DOCK5: variants seen among roughly 807,000 people sequenced by gnomAD.
The protein encoded by DOCK5 is dedicator of cytokinesis protein 5.
In DOCK5, 142 loss-of-function variants were observed where a neutral mutation model predicts 251.8. The observed-to-expected ratio is 0.56, with a 90% CI of 0.49 to 0.65. DOCK5 has a LOEUF of 0.65. DOCK5 is among the 30% of genes least tolerant of loss of function. The pLI is 0.00. For synonymous variants in DOCK5, 842 were observed against 835.5 expected (o/e 1.01, Z -0.13); for missense variants, 2,111 against 2,312.3 (o/e 0.91, Z 1.79).
chr8:25,251,223 G>A (rs1040598483), intron 2 of DOCK5, among the ~76,000 whole-genome samples: 1 of 152,102 alleles, frequency 6.6e-6, no homozygotes, highest in East Asian at 1.9e-4. Context: ...GATTTCTGGG[G>A]TAAATACAAC....
intron 2 of DOCK5, among the ~76,000 whole-genome samples, chr8:25,254,916 G>A (rs1045705676): frequency 2.0e-5 from 3 of 151,694 alleles, no homozygotes; most frequent in African/African-American, 7.3e-5. Flanking sequence ...CCTCGCTAAG[G>A]AAGATATATA....
At chr8:25,210,045 T>TATATATATATATATATATAAAA (rs1563309191) in intron 1 of DOCK5, among the ~76,000 whole-genome samples, 1 of 20,650 alleles carries the variant, frequency 4.8e-5, no homozygotes, top group African/African-American at 2.3e-4. Context: ...AATGTGTGTG[T>TATATATATATATATATATAAAA]GTGTGTGTGT....
intron 1 of DOCK5, among the ~76,000 whole-genome samples, chr8:25,240,285 A>G (rs1335291420): frequency 6.6e-6 from 1 of 152,140 alleles, no homozygotes; most frequent in Non-Finnish European, 1.5e-5. Context: ...CTTAAAAAAA[A>G]AAAAAAACCA....
intron 37 of DOCK5, among the ~76,000 whole-genome samples, chr8:25,377,053 C>G (rs192573582): frequency 6.6e-6 from 1 of 152,136 alleles, no homozygotes; most frequent in Non-Finnish European, 1.5e-5. Context: ...CCCAGTACAA[C>G]GACAGTCATG....
chr8:25,283,309 T>C (rs2117137350), intron 5 of DOCK5, among the ~76,000 whole-genome samples: 1 of 152,298 alleles, frequency 6.6e-6, no homozygotes, highest in African/African-American at 2.4e-5. Flanking sequence ...AAGCGGGTTT[T>C]AGGAGACAGA....
At chr8:25,328,361 A>G (rs996543713) in intron 18 of DOCK5, among the ~76,000 whole-genome samples, 1 of 152,156 alleles carries the variant, frequency 6.6e-6, no homozygotes, top group East Asian at 1.9e-4. Flanking sequence ...AACAGGGTAC[A>G]GAGAGGGAAA....
chr8:25,296,834 C>T (rs554177078), intron 7 of DOCK5, among the ~76,000 whole-genome samples, 186 bp downstream of exon 7: 6 of 151,798 alleles, frequency 4.0e-5, no homozygotes, highest in East Asian at 3.9e-4. Flanking sequence ...ATGGAAAGAT[C>T]GCAAAGATAC....
intron 34 of DOCK5, among the ~76,000 whole-genome samples, chr8:25,371,018 C>T (rs1245548429): frequency 6.6e-6 from 1 of 152,146 alleles, no homozygotes; most frequent in African/African-American, 2.4e-5. Flanking sequence ...ATTGCTTTCT[C>T]ATGTTCCCTG....
chr8:25,329,598 A>C (rs1485209101), intron 18 of DOCK5, among the ~76,000 whole-genome samples: 1 of 152,174 alleles, frequency 6.6e-6, no homozygotes, highest in Non-Finnish European at 1.5e-5. Context: ...GAGGACAGTG[A>C]CTTTGCATAA....
intron 3 of DOCK5, among the ~76,000 whole-genome samples, chr8:25,273,851 C>A (rs1803976839): frequency 6.6e-6 from 1 of 152,124 alleles, no homozygotes; most frequent in Non-Finnish European, 1.5e-5. Context: ...TGAATCCCAC[C>A]TCCATAATGA....
intron 37 of DOCK5, chr8:25,375,008 G>A: frequency 1.8e-6 from 2 of 1,117,458 alleles, no homozygotes; most frequent in Non-Finnish European, 2.2e-6. Flanking sequence ...TACCATAGAA[G>A]TACTCTATTT....
At position 25,401,003 on chromosome 8, in the gene DOCK5, G is replaced by A. The variant is rs1801430014; in HGVS notation, c.4863G>A (p.Arg1621=). The A allele has an allele frequency of 6.2e-7, 1 of 1,614,046 alleles. No homozygotes were observed. The highest frequency in any genetic ancestry group is 1.1e-5 in the South Asian group (1 of 91,086). ...AGCAGCTGAAGCCGCTGCATGAGCG[G>A]TTGTCTTCTTGCTTCCGGGAACTCA... is the stretch of plus-strand genomic sequence containing the variant. ...LTEQLKPLHE[R]LSSCFRELKE... Residue 1621 remains arginine, a synonymous_variant, in exon 47 of 52, where the codon CGG becomes CGA. Coordinates refer to ENST00000276440, the MANE Select transcript of DOCK5 (RefSeq NM_024940.8).
In DOCK5 at chr8:25,319,690, A is replaced by G. The variant is rs756052462; in HGVS notation, c.1542+14A>G. The G allele has an allele frequency of 1.3e-6, 2 of 1,534,196 alleles. No individual in the cohort carries two copies. The highest frequency in any genetic ancestry group is 1.2e-5 in the South Asian group (1 of 84,136). Reference sequence around the variant, plus strand: ...GAGACTGTCAAGGTGAGAATGAGTCATTTGTAACCCCTGTTATCTGTTAAA... The same window carrying G: ...GAGACTGTCAAGGTGAGAATGAGTCGTTTGTAACCCCTGTTATCTGTTAAA... On this transcript the variant is annotated intron_variant, in intron 15 of 51. Transcript: ENST00000276440.
rs767286568 is a variant in DOCK5, at chr8:25,411,632, A to G, written c.*334A>G. The stretch of plus-strand genomic sequence containing the variant: ...CACAAGCCTGGACAAGTTCTTCCAT[A>G]TTGATGGTGGAGCAACCCCTGTAAT... On this transcript the variant is annotated 3_prime_UTR_variant, in exon 52 of 52. Coordinates refer to ENST00000276440, the MANE Select transcript of DOCK5 (RefSeq NM_024940.8). The G allele has an allele frequency of 4.7e-6, 1 of 214,918 alleles. No individual in the cohort carries two copies. The highest frequency in any genetic ancestry group is 9.1e-6 in the Non-Finnish European group (1 of 109,708). 13.3% of individuals were successfully genotyped at this position (214,918 alleles called of 1,614,324 possible).
intron 5 of DOCK5, among the ~76,000 whole-genome samples, chr8:25,287,423 TA>T (rs1057133714): frequency 1.8e-4 from 26 of 148,448 alleles, no homozygotes; most frequent in East Asian, 3.9e-4. Flanking sequence ...GAGACTCCAT[TA>T]AAAAAAAAAG....
intron 10 of DOCK5, 44 bp downstream of exon 10, chr8:25,302,498 G>A (rs1432320719): frequency 6.9e-7 from 1 of 1,458,802 alleles, no homozygotes; most frequent in Non-Finnish European, 9.1e-7. Flanking sequence ...GTGCAGTGCT[G>A]TGGAAAATAG....
intron 39 of DOCK5, among the ~76,000 whole-genome samples, chr8:25,381,055 CAGTGGTAGA>C (rs1801058344): frequency 6.6e-6 from 1 of 151,896 alleles, no homozygotes; most frequent in Admixed American, 6.6e-5. Context: ...TCCAAATGCC[CAGTGGTAGA>C]CAGCCACTCT....
At chr8:25,335,301 C>G (rs1217161860) in intron 21 of DOCK5, among the ~76,000 whole-genome samples, 1 of 152,066 alleles carries the variant, frequency 6.6e-6, no homozygotes, top group Non-Finnish European at 1.5e-5. Flanking sequence ...TGAGGAAATC[C>G]CATCACTGTG....
At chr8:25,411,099 T>C (rs1262807983) in intron 51 of DOCK5, 95 bp from the exon 52 acceptor site, 2 of 1,373,316 alleles carry the variant, frequency 1.5e-6, no homozygotes, top group African/African-American at 3.1e-5. Flanking sequence ...TCAGATCAAT[T>C]AGAAGCTAAA....
Sources: allele counts gnomAD v4.1 joint callset (sites outside exome capture counted in the v4.1 genomes callset), GRCh38; gene constraint gnomAD v4.1.1; transcripts MANE v1.5; gene names NCBI Gene and HGNC (gene_info 2026-07-23, HGNC 2026-07-21).